UGT1A9: variants seen among roughly 807,000 people sequenced by gnomAD.
The protein encoded by UGT1A9 is UDP glucuronosyltransferase family 1 member A9.
In UGT1A9, 35 loss-of-function variants were observed where a neutral mutation model predicts 45.0. The observed-to-expected ratio is 0.78, with a 90% CI of 0.59 to 1.03. UGT1A9 has a LOEUF of 1.03. Ranked by LOEUF, UGT1A9 falls within the 50% of genes least tolerant of loss-of-function variation. The probability of loss-of-function intolerance (pLI) is 0.00; values close to 1 mark genes in which losing one functional copy is unlikely to be tolerated. For missense variants in UGT1A9, 687 were observed against 666.6 expected (o/e 1.03, Z -0.34); for synonymous variants, 278 against 250.6 (o/e 1.11, Z -1.03).
chr2:233,731,860 A>G (rs2078213759), intron 1 of UGT1A9, among the ~76,000 whole-genome samples: 1 of 152,222 alleles, frequency 6.6e-6, no homozygotes, highest in Non-Finnish European at 1.5e-5. Context: ...GAATCGCCAC[A>G]CTGTCTTCCA....
chr2:233,718,890 C>A (rs6755571), intron 1 of UGT1A9: 85,148 of 1,613,968 alleles, frequency 0.053, 2,693 homozygotes, highest in Non-Finnish European at 0.063. Flanking sequence ...CAGTGTCCAG[C>A]CCTGGGCTGA....
At chr2:233,689,285 G>T (rs972583295) in intron 1 of UGT1A9, among the ~76,000 whole-genome samples, 4 of 152,140 alleles carry the variant, frequency 2.6e-5, no homozygotes, top group African/African-American at 7.2e-5. Flanking sequence ...ACTAAACTGG[G>T]GTTCACTCAC....
At chr2:233,734,182 A>C (rs1380375014) in intron 1 of UGT1A9, among the ~76,000 whole-genome samples, 2 of 152,146 alleles carry the variant, frequency 1.3e-5, no homozygotes, top group African/African-American at 4.8e-5. Context: ...TAGGCTATTA[A>C]TTATTGCCTC....
At chr2:233,731,557 A>C (rs2078177814) in intron 1 of UGT1A9, among the ~76,000 whole-genome samples, 1 of 152,126 alleles carries the variant, frequency 6.6e-6, no homozygotes, top group Non-Finnish European at 1.5e-5. Context: ...TCCATGTGAT[A>C]GTTTGCTGAG....
intron 1 of UGT1A9, chr2:233,682,628 G>A: frequency 1.9e-6 from 3 of 1,613,870 alleles, no homozygotes; most frequent in South Asian, 2.2e-5. Flanking sequence ...CTTAGAAATA[G>A]CCTCTGAAAT....
intron 1 of UGT1A9, chr2:233,729,723 A>G (rs563184062): frequency 1.2e-5 from 19 of 1,613,938 alleles, no homozygotes; most frequent in African/African-American, 8.0e-5. Context: ...GATTACTAAC[A>G]ACCAATTCAG....
At chr2:233,711,559 C>T (rs1421347641) in intron 1 of UGT1A9, among the ~76,000 whole-genome samples, 2 of 152,214 alleles carry the variant, frequency 1.3e-5, no homozygotes, top group Non-Finnish European at 2.9e-5. Context: ...GGAGAGTTCC[C>T]AAAGCCCTTG....
At chr2:233,760,485 G>T in intron 1 of UGT1A9, 2 of 1,614,228 alleles carry the variant, frequency 1.2e-6, no homozygotes, top group Non-Finnish European at 1.7e-6. Context: ...ACGCCTCGTT[G>T]TACATCAGAG....
chr2:233,755,026 G>T, intron 1 of UGT1A9: 1 of 1,306,986 alleles, frequency 7.7e-7, no homozygotes, highest in South Asian at 1.2e-5. Context: ...TCCTTGAAGG[G>T]CCTGCCGCCT....
rs527538087 is a variant in UGT1A9, at chr2:233,704,924, A to G, written c.855+32135A>G. 2.6e-5 allele frequency among the ~76,000 whole-genome samples: 4 copies of G among 152,248 alleles called. No individual in the cohort carries two copies. The East Asian group carries it at 7.7e-4, about 29-fold the overall frequency. On this transcript the variant is annotated intron_variant, in intron 1 of 4. Transcript: ENST00000354728. Reference sequence around the variant, plus strand: ...TGAGGCAGGTGGATCACCTGAGACCAGCCTAGATCAAGACCAGCCTGGCCA... The same window carrying G: ...TGAGGCAGGTGGATCACCTGAGACCGGCCTAGATCAAGACCAGCCTGGCCA...
intron 1 of UGT1A9, chr2:233,730,029 G>A: frequency 6.2e-7 from 1 of 1,613,388 alleles, no homozygotes. Context: ...CAATGTTCCA[G>A]GCAAAACACT....
intron 1 of UGT1A9, chr2:233,755,039 G>A (rs1047792650): frequency 3.8e-6 from 5 of 1,321,018 alleles, no homozygotes; most frequent in Non-Finnish European, 5.1e-6. Flanking sequence ...TGCCGCCTGC[G>A]CAGCCGCCCT....
intron 1 of UGT1A9, chr2:233,721,958 T>G (rs1019099547): frequency 6.3e-6 from 2 of 316,544 alleles, no homozygotes; most frequent in Non-Finnish European, 1.3e-5. Flanking sequence ...TCTTTGTATA[T>G]GCATACATTG....
At chr2:233,727,811 G>C (rs1024803216) in intron 1 of UGT1A9, among the ~76,000 whole-genome samples, 4 of 152,210 alleles carry the variant, frequency 2.6e-5, no homozygotes, top group African/African-American at 9.7e-5. Context: ...CATGGGTTCT[G>C]TCCAAAGGTG....
rs767607575 is a variant in UGT1A9, at chr2:233,760,238, A to G, written c.856-6796A>G. ...GTGTATCGATTGGTTTTTGCCATATATATATATATAAGTAGGAGAGGGCGA... is the reference window on the plus strand; with the variant it reads ...GTGTATCGATTGGTTTTTGCCATATGTATATATATAAGTAGGAGAGGGCGA... On this transcript the variant is annotated intron_variant, in intron 1 of 4. Transcript: ENST00000354728. The G allele has an allele frequency of 3.7e-6, 6 of 1,606,676 alleles. No homozygotes were observed. Among genetic ancestry groups the G allele is most frequent in the Admixed American group, 3.3e-5 (2 of 59,932 alleles).
rs562977700 is a variant in UGT1A9 at position 233,719,688 on chromosome 2, G to T, written c.855+46899G>T. On this transcript the variant is annotated intron_variant, in intron 1 of 4. Transcript: ENST00000354728. The stretch of plus-strand genomic sequence containing the variant: ...TGCCAACGGGAAGCCACTATCTCAG[G>T]TCTGTATTGGTGCCTTCATCCAATC... 7.9e-5 allele frequency: 127 copies of T among 1,614,002 alleles called. No homozygotes were observed. The East Asian group carries it at 2.7e-3, about 34-fold the overall frequency.
chr2:233,708,923 A>C lies in UGT1A9; in HGVS notation c.855+36134A>C, dbSNP rs145112619. 8.8e-3 allele frequency among the ~76,000 whole-genome samples: 1,338 copies of C among 152,224 alleles called. 30 individuals carry two copies. The highest frequency in any genetic ancestry group is 0.03 in the African/African-American group (1,249 of 41,522). ...TCTGGTTAGGTATTGCTTGCTACAG[A>C]GCCAAACTATGTCACCAGAACCCAT... On this transcript the variant is annotated intron_variant, in intron 1 of 4. Transcript: ENST00000354728.
rs2076824965 is a variant in UGT1A9, at chr2:233,720,038, T to G, written c.856-46996T>G. On this transcript the variant is annotated intron_variant, in intron 1 of 4. Transcript: ENST00000354728. ...TCCTGGGGTTTTTGCTTGCCTGATTTTCAGCTGAACGGTGATGCAACAGTA... is the reference window on the plus strand; with the variant it reads ...TCCTGGGGTTTTTGCTTGCCTGATTGTCAGCTGAACGGTGATGCAACAGTA... Among the ~76,000 whole-genome samples, 3 of 152,190 alleles carry G rather than the reference T, an allele frequency of 2.0e-5. No individual in the cohort carries two copies. In the South Asian group the frequency reaches 6.2e-4, roughly 32 times the overall value.
rs200412341 is a variant in UGT1A9 at position 233,760,665 on chromosome 2, C to T, written c.856-6369C>T. The T allele has an allele frequency of 2.6e-5, 42 of 1,614,226 alleles. No individual in the cohort carries two copies. The East Asian group carries it at 8.9e-4, about 34-fold the overall frequency. On this transcript the variant is annotated intron_variant, in intron 1 of 4. Transcript: ENST00000354728. ...AGGACTCTGCTATGCTTTTGTCTGG[C>T]TGTTCCCACTTACTGCACAACAAGG...
Sources: gnomAD v4.1 joint callset for allele counts (sites outside exome capture counted in the v4.1 genomes callset) on GRCh38, gnomAD v4.1.1 for gene constraint, MANE v1.5 for transcripts, NCBI Gene and HGNC (gene_info 2026-07-23, HGNC 2026-07-21) for gene names.